The following MFN2 variants were observed in gnomAD, a reference collection of about 807,000 sequenced individuals.
MFN2 encodes the protein mitofusin 2, also known as mitofusin-2.
Under a neutral mutation model 87.5 loss-of-function variants are expected in MFN2, and 43 were observed. The observed-to-expected ratio is 0.49, with a 90% CI of 0.38 to 0.63. The LOEUF is 0.63. MFN2 is among the 30% of genes least tolerant of loss of function. The probability of loss-of-function intolerance (pLI) is 0.00; values close to 1 mark genes in which losing one functional copy is unlikely to be tolerated. For missense variants in MFN2, 743 were observed against 972.8 expected, an observed-to-expected ratio of 0.76 and a Z score of 3.14; for synonymous variants, 337 against 359.9, an observed-to-expected ratio of 0.94 and a Z score of 0.72.
rs1444952735 is a variant in MFN2, at chr1:11,999,069, G to A, written c.790G>A (p.Ala264Thr). 2 of 1,614,222 alleles carry A rather than the reference G, an allele frequency of 1.2e-6. No homozygotes were observed. The highest frequency in any genetic ancestry group is 2.2e-5 in the South Asian group (2 of 91,086). Residue 264 changes from alanine to threonine, a missense_variant, in exon 8 of 19, where the codon GCC becomes ACC. Around this residue, in one of 3 missense-constraint regions of MFN2, gnomAD observed 571 missense variants for 670.7 expected, o/e 0.85. Transcript: ENST00000235329. Reference sequence around the variant, plus strand: ...CCTGAACAACCGCTGGGATGCATCTGCCTCAGAGCCCGAGTACATGGAGGA... The same window carrying A: ...CCTGAACAACCGCTGGGATGCATCTACCTCAGAGCCCGAGTACATGGAGGA... ...FILNNRWDAS[A>T]SEPEYMEEVR...
chr1:12,000,163 A>G lies in MFN2; in HGVS notation c.816+1068A>G, dbSNP rs181719596. Among the ~76,000 whole-genome samples the G allele has an allele frequency of 1.1e-3, 168 of 152,186 alleles. 1 individual carries two copies. Among genetic ancestry groups the G allele is most frequent in the Non-Finnish European group, 1.9e-3 (130 of 68,006 alleles). ...ATATGGCAATATGGGATGATAAAAC[A>G]TGCAGTTGCAGTCAGTAGGCCAGAG... On this transcript the variant is annotated intron_variant, in intron 8 of 18. Transcript: ENST00000235329.
Position 12,006,555 on chromosome 1 carries a change from T to C in MFN2, c.1734T>C (p.Pro578=). Reference sequence around the variant, plus strand: ...CTCCTCAGGTCCAGCGTCCCATCCCTCTGACGCCAGCCAACCCCAGCATGC... The same window carrying C: ...CTCCTCAGGTCCAGCGTCCCATCCCCCTGACGCCAGCCAACCCCAGCATGC... ...GYNDQVQRPI[P]LTPANPSMPP... The change falls in exon 16 of 19, where the codon CCT becomes CCC. Residue 578 remains proline (P), a synonymous_variant. Transcript: ENST00000235329. The C allele has an allele frequency of 6.2e-7, 1 of 1,614,160 alleles. No homozygotes were observed. The highest frequency in any genetic ancestry group is 8.5e-7 in the Non-Finnish European group (1 of 1,180,038).
Position 12,007,871 on chromosome 1 carries a change from G to A in MFN2, c.2069+622G>A, listed in dbSNP as rs548023304. ...GATAAACAAGTGAACAAAGGTCTCT[G>A]GTTTTCCTAGGCAGAGGACCCTGGG... On this transcript the variant is annotated intron_variant, in intron 17 of 18. Transcript: ENST00000235329. Among the ~76,000 whole-genome samples the A allele has an allele frequency of 2.0e-5, 3 of 152,118 alleles. 1 individual carries two copies. In the East Asian group the frequency reaches 5.8e-4, roughly 29 times the overall value.
rs41278628 is a variant in MFN2, at chr1:11,998,956, C to T, written c.709-32C>T. 4.7e-3 allele frequency: 7,525 copies of T among 1,613,362 alleles called. 29 individuals are homozygous for T. The highest frequency in any genetic ancestry group is 5.7e-3 in the Non-Finnish European group (6,722 of 1,179,280). On this transcript the variant is annotated intron_variant, in intron 7 of 18. Transcript: ENST00000235329. ...CTGATGGGGCCTTGGCTGTCAAGCTCCTGCTCCACCGAGGTCTTACCCTTT... is the reference window on the plus strand; with the variant it reads ...CTGATGGGGCCTTGGCTGTCAAGCTTCTGCTCCACCGAGGTCTTACCCTTT...
chr1:11,995,917 C>G (rs148165511), intron 4 of MFN2, among the ~76,000 whole-genome samples: 1 of 152,122 alleles, frequency 6.6e-6, no homozygotes, highest in Admixed American at 6.5e-5. Flanking sequence ...GCAGACAGCA[C>G]GCAGTGAGCC....
intron 17 of MFN2, among the ~76,000 whole-genome samples, 193 bp downstream of exon 17, chr1:12,007,442 G>A (rs566438657): frequency 9.2e-5 from 14 of 152,354 alleles, no homozygotes; most frequent in Non-Finnish European, 1.2e-4. Context: ...GACACTTTGC[G>A]TCTTGGGCTG....
chr1:11,989,116 G>A, intron 2 of MFN2, 49 bp from the exon 3 acceptor site: 1 of 1,598,556 alleles, frequency 6.3e-7, no homozygotes, highest in Non-Finnish European at 8.6e-7. Flanking sequence ...CTAGCAGGAT[G>A]TCCCGAGGTA....
chr1:12,004,380 C>T lies in MFN2; in HGVS notation c.1288-129C>T. ...CCCTCTCACTTCAGAGGCTTTAATT[C>T]CATAGAGGAGCTGAGGAGGCTGCTG... On this transcript the variant is annotated intron_variant, in intron 12 of 18. Transcript: ENST00000235329. The surrounding 1 kb of genome is among the most constrained non-coding windows in gnomAD (Gnocchi z 4.2). The T allele has an allele frequency of 1.0e-6, 1 of 967,014 alleles. No individual in the cohort carries two copies. The highest frequency in any genetic ancestry group is 1.7e-6 in the Non-Finnish European group (1 of 594,142). 59.9% of individuals were successfully genotyped at this position (967,014 alleles called of 1,614,324 possible).
chr1:11,983,043 TTTTG>T (rs888630722), intron 2 of MFN2, among the ~76,000 whole-genome samples: 22 of 152,246 alleles, frequency 1.4e-4, no homozygotes, highest in South Asian at 1.2e-3. Context: ...ATATGGTGTT[TTTTG>T]TTTGTTTGTT....
At chr1:11,992,391 A>C (rs759757201) in intron 3 of MFN2, 164 bp from the exon 4 acceptor site, 1 of 850,204 alleles carries the variant, frequency 1.2e-6, no homozygotes, top group East Asian at 2.5e-5. Context: ...TAACCACCAC[A>C]CCGTGGGGCC....
In MFN2 at chr1:12,003,589, A is replaced by G. The variant is rs543663668; in HGVS notation, c.1161-403A>G. On this transcript the variant is annotated intron_variant, in intron 11 of 18. Transcript: ENST00000235329. The surrounding 1 kb of genome is among the most constrained non-coding windows in gnomAD (Gnocchi z 4.1). ...TGAAGCAGGAGAATCGCTTGAACCC[A>G]GGAAGTGGAGGTTGCAGTGAGTGGA... 2.6e-3 allele frequency among the ~76,000 whole-genome samples: 390 copies of G among 151,964 alleles called. No homozygotes were observed. Among genetic ancestry groups the G allele is most frequent in the African/African-American group, 8.9e-3 (367 of 41,438 alleles).
rs547027303 is a variant in MFN2, at chr1:12,011,433, C to T, written c.2205-63C>T. On this transcript the variant is annotated intron_variant, in intron 18 of 18. Transcript: ENST00000235329. ...CAAGCGTCCTTAGGATGGTGCCTGGCGGGTAGTCCTAATACTGCCTATCAT... is the reference window on the plus strand; with the variant it reads ...CAAGCGTCCTTAGGATGGTGCCTGGTGGGTAGTCCTAATACTGCCTATCAT... The T allele has an allele frequency of 7.2e-5, 111 of 1,538,620 alleles. 1 individual carries two copies. The South Asian group carries it at 9.8e-4, about 14-fold the overall frequency.
At chr1:11,990,269 C>T (rs571532136) in intron 3 of MFN2, among the ~76,000 whole-genome samples, 6 of 152,370 alleles carry the variant, frequency 3.9e-5, no homozygotes, top group African/African-American at 1.4e-4. Flanking sequence ...ACTTCATGCC[C>T]TCATCTGTGC....
In MFN2 at chr1:11,996,022, GTC is replaced by G. The variant is rs538271409; in HGVS notation, c.312-129_312-128del. On this transcript the variant is annotated intron_variant, in intron 4 of 18. Coordinates refer to ENST00000235329, the MANE Select transcript of MFN2 (RefSeq NM_014874.4). ...TTTTAATAAACAGTGCCTACTCTTTGTCTCTCAGCACTGTCTGGGCACTGGCA... is the reference window on the plus strand; with the variant it reads ...TTTTAATAAACAGTGCCTACTCTTTGTCTCAGCACTGTCTGGGCACTGGCA... 5.1e-5 allele frequency: 56 copies of G among 1,095,060 alleles called. No homozygotes were observed. The African/African-American group carries it at 6.1e-4, about 12-fold the overall frequency. The allele number at this position is 1,095,060 out of a possible 1,614,324, so 67.8% of individuals were successfully genotyped here.
intron 8 of MFN2, among the ~76,000 whole-genome samples, chr1:11,999,974 G>A (rs890865027): frequency 3.3e-5 from 5 of 151,632 alleles, no homozygotes; most frequent in African/African-American, 9.7e-5. Context: ...GCAGGCGCCT[G>A]TAGTCCCAGC....
At chr1:12,009,567 T>C in intron 17 of MFN2, 25 bp from the exon 18 acceptor site, 1 of 1,612,788 alleles carries the variant, frequency 6.2e-7, no homozygotes, top group African/African-American at 1.4e-5. Flanking sequence ...ACACCCCAAC[T>C]GGGTCCCTTC....
In MFN2 at chr1:11,998,118, A is replaced by AGG. The variant is rs1639008009; in HGVS notation, c.600-652_600-651insGG. 4.6e-5 allele frequency among the ~76,000 whole-genome samples: 7 copies of AGG among 150,770 alleles called. No individual in the cohort carries two copies. In the South Asian group the frequency reaches 1.1e-3, roughly 23 times the overall value. ...AGGCTGGTCTTGAACTGCTGACCTC[A>AGG]TGATCCGCCCACCTTAGCCTCCCAA... is the stretch of plus-strand genomic sequence containing the variant. On this transcript the variant is annotated intron_variant, in intron 6 of 18. Transcript: ENST00000235329.
chr1:11,987,970 A>G (rs541879079), intron 2 of MFN2, among the ~76,000 whole-genome samples: 1 of 152,202 alleles, frequency 6.6e-6, no homozygotes, highest in Non-Finnish European at 1.5e-5. Flanking sequence ...TAAATAAGTA[A>G]ATAAAATGTT....
chr1:12,010,086 G>A (rs1204248699), intron 18 of MFN2, among the ~76,000 whole-genome samples: 2 of 152,174 alleles, frequency 1.3e-5, no homozygotes, highest in South Asian at 4.1e-4. Flanking sequence ...CCCAGAAGGC[G>A]GAGGTTGCAG....
Sources: allele counts gnomAD v4.1 joint callset (sites outside exome capture counted in the v4.1 genomes callset), GRCh38; gene constraint gnomAD v4.1.1; regional missense constraint gnomAD v4.1.1; non-coding constraint Gnocchi (gnomAD v3.1); transcripts MANE v1.5; gene names NCBI Gene and HGNC (gene_info 2026-07-23, HGNC 2026-07-21).